Variants in ARHGEF26 observed in about 807,000 individuals in gnomAD.
ARHGEF26 encodes the protein Rho guanine nucleotide exchange factor 26.
In ARHGEF26, 59 loss-of-function variants were observed where a neutral mutation model predicts 89.4. The ratio of observed to expected loss-of-function variants is 0.66; its 90% CI spans 0.54 to 0.82. ARHGEF26 has a LOEUF of 0.82. ARHGEF26 is among the 40% of genes least tolerant of loss of function. ARHGEF26 has a pLI of 0.00. For synonymous variants in ARHGEF26, 500 were observed against 428.4 expected (o/e 1.17, Z -2.06); for missense variants, 1,234 against 1,085.6 (o/e 1.14, Z -1.92).
chr3:154,176,393 A>G (rs1403146662), intron 6 of ARHGEF26, among the ~76,000 whole-genome samples: 1 of 152,164 alleles, frequency 6.6e-6, no homozygotes, highest in Non-Finnish European at 1.5e-5. Context: ...GTAATTATTA[A>G]GAGGCAATTA....
Position 154,218,494 on chromosome 3 carries a change from AAAG to A in ARHGEF26, c.1935+542_1935+544del, listed in dbSNP as rs559472208. On this transcript the variant is annotated intron_variant, in intron 10 of 14. Transcript: ENST00000465093. ...TTGAGCAGATGACAAGATGAACAAA[AAAG>A]AAGAAAATGACAGCTAATGGCAAAT... Among the ~76,000 whole-genome samples the A allele has an allele frequency of 4.9e-4, 74 of 152,360 alleles. No individual in the cohort carries two copies. In the South Asian group the frequency reaches 9.7e-3, roughly 20 times the overall value.
rs192383186 is a variant in ARHGEF26 at position 154,234,826 on chromosome 3, C to T, written c.2091-5544C>T. Among the ~76,000 whole-genome samples, 601 of 152,082 alleles carry T rather than the reference C, an allele frequency of 4.0e-3. 4 individuals carry two copies. Among genetic ancestry groups the T allele is most frequent in the African/African-American group, 0.014 (569 of 41,478 alleles). On this transcript the variant is annotated intron_variant, in intron 11 of 14. Transcript: ENST00000465093. ...TGTCGCCCAGGCTGGAGTGCGGTGGCGCAATCTCGGCTCACTGCAAGGTCC... is the reference window on the plus strand; with the variant it reads ...TGTCGCCCAGGCTGGAGTGCGGTGGTGCAATCTCGGCTCACTGCAAGGTCC...
intron 9 of ARHGEF26, among the ~76,000 whole-genome samples, chr3:154,196,263 A>G (rs775194984): frequency 6.6e-6 from 1 of 152,112 alleles, no homozygotes; most frequent in Non-Finnish European, 1.5e-5. Context: ...TCGTTAGTGT[A>G]TTTGTTTAAA....
chr3:154,202,357 G>T (rs1714698868), intron 9 of ARHGEF26, among the ~76,000 whole-genome samples: 1 of 152,020 alleles, frequency 6.6e-6, no homozygotes, highest in Admixed American at 6.6e-5. Context: ...CTGTTCCCTT[G>T]GTCTATATCT....
chr3:154,197,168 T>C (rs1226004792), intron 9 of ARHGEF26, among the ~76,000 whole-genome samples: 2 of 152,172 alleles, frequency 1.3e-5, no homozygotes, highest in African/African-American at 4.8e-5. Context: ...ACTTGCTTTC[T>C]CTGAAGGGCA....
chr3:154,187,336 G>A (rs1385482624), intron 6 of ARHGEF26, among the ~76,000 whole-genome samples: 1 of 151,176 alleles, frequency 6.6e-6, no homozygotes, highest in Non-Finnish European at 1.5e-5. Context: ...CCTGAAGGCA[G>A]AGCAGATCAA....
At chr3:154,130,147 A>ATTTTTTTTTTTTTTTT (rs55816788) in intron 4 of ARHGEF26, among the ~76,000 whole-genome samples, 7 of 105,942 alleles carry the variant, frequency 6.6e-5, no homozygotes, top group African/African-American at 1.6e-4. Context: ...TTCCTTGGAA[A>ATTTTTTTTTTTTTTTT]TTTTTTTTTT....
At chr3:154,185,909 A>G (rs1170780895) in intron 6 of ARHGEF26, among the ~76,000 whole-genome samples, 2 of 152,194 alleles carry the variant, frequency 1.3e-5, no homozygotes, top group South Asian at 4.1e-4. Flanking sequence ...CTGTGTTCCA[A>G]GGACCAGGGA....
At chr3:154,226,694 C>T (rs976839715) in intron 11 of ARHGEF26, among the ~76,000 whole-genome samples, 1 of 139,842 alleles carries the variant, frequency 7.2e-6, no homozygotes, top group African/African-American at 2.6e-5. Context: ...CACACACACA[C>T]ACCCCTTCAG....
intron 10 of ARHGEF26, among the ~76,000 whole-genome samples, chr3:154,219,591 A>T (rs1219908368): frequency 3.8e-5 from 5 of 132,882 alleles, no homozygotes; most frequent in South Asian, 2.3e-4. Flanking sequence ...CAAGACTCTT[A>T]AAAAAAAAAA....
intron 6 of ARHGEF26, among the ~76,000 whole-genome samples, chr3:154,160,807 G>C (rs1045664577): frequency 1.3e-5 from 2 of 152,150 alleles, no homozygotes; most frequent in Non-Finnish European, 2.9e-5. Context: ...TAGGTTAAAG[G>C]TAATTCCTAG....
At chr3:154,201,775 T>C (rs1297213728) in intron 9 of ARHGEF26, among the ~76,000 whole-genome samples, 2 of 152,376 alleles carry the variant, frequency 1.3e-5, no homozygotes, top group East Asian at 3.8e-4. Context: ...CATTTTTTCA[T>C]GTGTCTTTTG....
At chr3:154,177,053 A>G (rs1188269166) in intron 6 of ARHGEF26, among the ~76,000 whole-genome samples, 1 of 152,198 alleles carries the variant, frequency 6.6e-6, no homozygotes, top group Non-Finnish European at 1.5e-5. Flanking sequence ...TAGAGAAATA[A>G]GTAAGGGATG....
In ARHGEF26 at chr3:154,122,434, C is replaced by A. The variant is rs1174647768; in HGVS notation, c.442C>A (p.Arg148=). The A allele has an allele frequency of 1.9e-6, 3 of 1,611,344 alleles. No homozygotes were observed. Among genetic ancestry groups the A allele is most frequent in the Non-Finnish European group, 2.5e-6 (3 of 1,179,134 alleles). The change falls in exon 2 of 15, where the codon CGG becomes AGG. Residue 148 remains arginine (R), a synonymous_variant. Coordinates refer to ENST00000465093, the MANE Select transcript of ARHGEF26 (RefSeq NM_015595.4). ...PPPPPVLRPP[R]TPNAPAPCTP... ...GCCGCCGCCGGTTCTGCGCCCCCCG[C>A]GGACTCCTAACGCGCCCGCCCCCTG...
chr3:154,218,438 G>T (rs1715913883), intron 10 of ARHGEF26, among the ~76,000 whole-genome samples: 1 of 151,870 alleles, frequency 6.6e-6, no homozygotes, highest in South Asian at 2.1e-4. Context: ...TTGAATATGT[G>T]CTGCTTGTTA....
At chr3:154,242,044 C>T (rs1717509941) in intron 12 of ARHGEF26, among the ~76,000 whole-genome samples, 3 of 152,098 alleles carry the variant, frequency 2.0e-5, no homozygotes, top group Non-Finnish European at 4.4e-5. Context: ...TACAAGGCAC[C>T]CACATAAAAT....
chr3:154,201,506 T>G (rs1275564961), intron 9 of ARHGEF26, among the ~76,000 whole-genome samples: 1 of 152,224 alleles, frequency 6.6e-6, no homozygotes, highest in Admixed American at 6.5e-5. Context: ...TATAATCCTT[T>G]GGGTATATAC....
Position 154,122,791 on chromosome 3 carries a change from C to G in ARHGEF26, c.799C>G (p.Gln267Glu), listed in dbSNP as rs1718063687. 1 of 1,611,150 alleles carries G rather than the reference C, an allele frequency of 6.2e-7. No individual in the cohort carries two copies. Among genetic ancestry groups the G allele is most frequent in the Non-Finnish European group, 8.5e-7 (1 of 1,178,572 alleles). ...SEIKISKSNN[Q>E]NVEPHKRLLK... ...AATTAAAATAAGTAAATCCAACAAT[C>G]AAAATGTGGAGCCCCACAAGAGACT... is the stretch of plus-strand genomic sequence containing the variant. Residue 267 changes from glutamine to glutamate, a missense_variant, in exon 2 of 15, where the codon CAA (glutamine) becomes GAA (glutamate). By Grantham distance (29) the Gln-to-Glu change is conservative (BLOSUM62 2). Transcript: ENST00000465093.
chr3:154,257,812 T>G lies in ARHGEF26; in HGVS notation c.*2339T>G, dbSNP rs549167133. On this transcript the variant is annotated 3_prime_UTR_variant, in exon 15 of 15. Transcript: ENST00000465093. ...AGAAAAATATGTGAATTTATAAAGATTTTGTAGATACTTGTCCTTTTGTGC... is the reference window on the plus strand; with the variant it reads ...AGAAAAATATGTGAATTTATAAAGAGTTTGTAGATACTTGTCCTTTTGTGC... 1 of 152,348 alleles carries G rather than the reference T, an allele frequency of 6.6e-6. No individual in the cohort carries two copies. The highest frequency in any genetic ancestry group is 2.1e-4 in the South Asian group (1 of 4,832). 9.4% of individuals were successfully genotyped at this position (152,348 alleles called of 1,614,324 possible). A position where few individuals can be genotyped will look rare whatever the true frequency, so the allele number is the denominator to read the frequency against.
Sources: gnomAD v4.1 joint callset for allele counts (sites outside exome capture counted in the v4.1 genomes callset) on GRCh38, gnomAD v4.1.1 for gene constraint, MANE v1.5 for transcripts, NCBI Gene and HGNC (gene_info 2026-07-23, HGNC 2026-07-21) for gene names.